EHMT2: variants seen among roughly 807,000 people sequenced by gnomAD.
The protein encoded by EHMT2 is histone-lysine N-methyltransferase EHMT2.
Under a neutral mutation model 143.3 loss-of-function variants are expected in EHMT2, and 59 were observed. The observed-to-expected ratio is 0.41, with a 90% CI of 0.33 to 0.51. The LOEUF (loss-of-function observed/expected upper bound fraction) is 0.51. EHMT2 is among the 20% of genes least tolerant of loss of function. The pLI, the probability that EHMT2 is intolerant of heterozygous loss-of-function variation, is 0.18. For missense variants in EHMT2, 1,174 were observed against 1,645.9 expected, an observed-to-expected ratio of 0.71 and a Z score of 4.96; for synonymous variants, 604 against 651.5, an observed-to-expected ratio of 0.93 and a Z score of 1.11.
intron 1 of EHMT2, 116 bp from the exon 2 acceptor site, chr6:31,897,105 TG>T: frequency 6.9e-7 from 1 of 1,440,198 alleles, no homozygotes; most frequent in Non-Finnish European, 9.1e-7. Context: ...TCTTCCTCTG[TG>T]GGGCCCCCCC....
intron 24 of EHMT2, 54 bp downstream of exon 24, chr6:31,882,840 G>T (rs1764290735): frequency 6.2e-7 from 1 of 1,611,388 alleles, no homozygotes; most frequent in Admixed American, 1.7e-5. Context: ...AGCCCCAGGG[G>T]CAGGGAGGAA....
rs1299544540 is a variant in EHMT2, at chr6:31,888,918, T to G, written c.1216+51A>C. 6.5e-7 allele frequency: 1 copy of G among 1,536,732 alleles called. No homozygotes were observed. The highest frequency in any genetic ancestry group is 1.4e-5 in the African/African-American group (1 of 73,138). The stretch of plus-strand genomic sequence containing the variant: ...GGTTCCCCTCCTTCCCTTTCCCTCC[T>G]GCCCTGAGGTCGCCCCCTAGTGGCT... On this transcript the variant is annotated intron_variant, in intron 10 of 27. Coordinates refer to ENST00000375537, the Ensembl canonical transcript of EHMT2. This position sits in a 1 kb window ranked among gnomAD's most constrained non-coding sequence, Gnocchi z 7.4.
At chr6:31,894,804 G>A (rs553616573) in intron 4 of EHMT2, among the ~76,000 whole-genome samples, 1 of 121,448 alleles carries the variant, frequency 8.2e-6, no homozygotes, top group African/African-American at 3.2e-5. Flanking sequence ...ACCACACCTG[G>A]CTAATTTATT....
chr6:31,892,990 G>T, intron 4 of EHMT2, 80 bp from the exon 5 acceptor site: 1 of 915,334 alleles, frequency 1.1e-6, no homozygotes, highest in Non-Finnish European at 1.6e-6. Context: ...CCCAGGCGGG[G>T]GTGGGGTAGT....
At chr6:31,897,565 T>G in intron 1 of EHMT2, 71 bp downstream of exon 1, 2 of 1,071,888 alleles carry the variant, frequency 1.9e-6, no homozygotes, top group African/African-American at 1.7e-5. Flanking sequence ...CCCCGGAGCA[T>G]TGCACGGGCG....
At position 31,897,230 on chromosome 6, in the gene EHMT2, A is replaced by G. The variant is rs866328596; in HGVS notation, c.43-241T>C. 6 of 1,180,038 alleles carry G rather than the reference A, an allele frequency of 5.1e-6. No homozygotes were observed. In the Admixed American group the frequency reaches 1.3e-4, roughly 26 times the overall value. 73.1% of individuals were successfully genotyped at this position (1,180,038 alleles called of 1,614,324 possible). A position where few individuals can be genotyped will look rare whatever the true frequency, so the allele number is the denominator to read the frequency against. On this transcript the variant is annotated intron_variant, in intron 1 of 27. Coordinates refer to ENST00000375537, the Ensembl canonical transcript of EHMT2. ...CTGGGGCCGAGAGAAGAGGAGGGGG[A>G]GGGGGCGGGGCCTCCGCGCCCCGGC...
intron 15 of EHMT2, 154 bp from the exon 16 acceptor site, chr6:31,887,255 T>G (rs1764991538): frequency 3.0e-6 from 2 of 668,746 alleles, no homozygotes; most frequent in African/African-American, 1.8e-5. Context: ...CCACAGCATT[T>G]ATCAGAATAA....
intron 5 of EHMT2, 22 bp from the exon 6 acceptor site, chr6:31,892,756 T>C (rs1460205031): frequency 1.9e-6 from 3 of 1,612,974 alleles, no homozygotes; most frequent in Admixed American, 1.7e-5. Context: ...GAGAGAATGG[T>C]GTGGGGCCTA....
chr6:31,884,022 AGAGTTGGG>A lies in EHMT2; in HGVS notation c.2772-80_2772-73del. The A allele has an allele frequency of 6.5e-7, 1 of 1,543,080 alleles. No homozygotes were observed. The highest frequency in any genetic ancestry group is 8.8e-7 in the Non-Finnish European group (1 of 1,139,160). On this transcript the variant is annotated intron_variant, in intron 21 of 27. Transcript: ENST00000375537. The surrounding 1 kb of genome is among the most constrained non-coding windows in gnomAD (Gnocchi z 7.3). ...AGGAGCTACTCCAGGTATAAGGAAG[AGAGTTGGG>A]GAGGTTCCTGGGGCTGGGGGCAGGG...
chr6:31,888,530 G>GA lies in EHMT2; in HGVS notation c.1366-25dup, dbSNP rs776293991. 2 of 1,610,750 alleles carry GA rather than the reference G, an allele frequency of 1.2e-6. No individual in the cohort carries two copies. The highest frequency in any genetic ancestry group is 2.7e-5 in the African/African-American group (2 of 74,902). Reference sequence around the variant, plus strand: ...AGCTGTGCGCAGTGAGGATGGGTGAGAAGAGAGCGTGAGGCTGGGGCCGGG... The same window carrying GA: ...AGCTGTGCGCAGTGAGGATGGGTGAGAAAGAGAGCGTGAGGCTGGGGCCGGG... On this transcript the variant is annotated intron_variant, in intron 11 of 27. Coordinates refer to ENST00000375537, the Ensembl canonical transcript of EHMT2. The surrounding 1 kb of genome is among the most constrained non-coding windows in gnomAD (Gnocchi z 7.4).
At chr6:31,895,131 A>G (rs1733965484) in intron 4 of EHMT2, among the ~76,000 whole-genome samples, 1 of 152,244 alleles carries the variant, frequency 6.6e-6, no homozygotes, top group Admixed American at 6.5e-5. Context: ...GAAGCAGGCA[A>G]AATTGATCAG....
Position 31,879,856 on chromosome 6 carries a change from C to T in EHMT2, c.*228G>A, listed in dbSNP as rs868738821. On this transcript the variant is annotated 3_prime_UTR_variant, in exon 28 of 28. Coordinates refer to ENST00000375537, the Ensembl canonical transcript of EHMT2. ...AAACTTCAACTGAGGATGGGGAACA[C>T]GGGGGGTGGCCAGCCCTGAAGTTGC... is the stretch of plus-strand genomic sequence containing the variant. 1.4e-4 allele frequency: 76 copies of T among 554,472 alleles called. 1 individual carries two copies. Among genetic ancestry groups the T allele is most frequent in the Middle Eastern group, 9.4e-4 (2 of 2,132 alleles). 34.3% of individuals were successfully genotyped at this position (554,472 alleles called of 1,614,324 possible).
chr6:31,892,372 G>A (rs1382114564), intron 7 of EHMT2, 35 bp downstream of exon 7: 4 of 1,603,760 alleles, frequency 2.5e-6, no homozygotes, highest in Admixed American at 1.7e-5. Context: ...CCCTGGGGGA[G>A]CACCGGCGGG....
At chr6:31,887,812 A>G in exon 14 of EHMT2, 1 of 1,605,622 alleles carries the variant, frequency 6.2e-7, no homozygotes, top group Non-Finnish European at 8.5e-7. Flanking sequence ...GGCCTTTTCC[A>G]GGGCCTCCCG....
Position 31,883,372 on chromosome 6 carries a change from C to G in EHMT2, c.2984G>C (p.Trp995Ser). ...GCAAGGGGCACGCACCTTGTCATAC[C>G]AGCACCGGATGCTGAGCTGGCCGCA... Residue 995 changes from tryptophan (W) to serine (S), a missense_variant, in exon 23 of 28, where the codon TGG becomes TCG. Coordinates refer to ENST00000375537, the Ensembl canonical transcript of EHMT2. The surrounding 1 kb of genome is among the most constrained non-coding windows in gnomAD (Gnocchi z 5.6). 6.2e-7 allele frequency: 1 copy of G among 1,612,902 alleles called. No individual in the cohort carries two copies. The highest frequency in any genetic ancestry group is 8.5e-7 in the Non-Finnish European group (1 of 1,179,952).
In EHMT2 at chr6:31,884,474, C is replaced by T. The variant is rs143249796; in HGVS notation, c.2689G>A (p.Val897Met). ...CGGTTGAGTTGAAGCGCAAACCACA[C>T]GTCGGAGCGCTCGGGAGTCAGGTCC... Residue 897 changes from valine (V) to methionine (M), a missense_variant, in exon 21 of 28, where the codon GTG (valine) becomes ATG (methionine). By Grantham distance (21) the Val-to-Met change is conservative. This residue lies in a region of EHMT2 where 608 missense variants were observed against 903.7 expected (regional missense o/e 0.67). Coordinates refer to ENST00000375537, the Ensembl canonical transcript of EHMT2. This position sits in a 1 kb window ranked among gnomAD's most constrained non-coding sequence, Gnocchi z 7.3. The T allele has an allele frequency of 2.9e-5, 46 of 1,612,816 alleles. No individual in the cohort carries two copies. In the Admixed American group the frequency reaches 4.5e-4, roughly 16 times the overall value.
chr6:31,892,965 G>T, intron 4 of EHMT2, 55 bp from the exon 5 acceptor site: 1 of 1,288,874 alleles, frequency 7.8e-7, no homozygotes, highest in Non-Finnish European at 1.1e-6. Flanking sequence ...AGTTTTGCCT[G>T]GGTTAGCCTG....
At position 31,883,091 on chromosome 6, in the gene EHMT2, G is replaced by C; in HGVS notation, c.2995-82C>G. On this transcript the variant is annotated intron_variant, in intron 23 of 27. Coordinates refer to ENST00000375537, the Ensembl canonical transcript of EHMT2. The surrounding 1 kb of genome is among the most constrained non-coding windows in gnomAD (Gnocchi z 5.6). ...CCCAGGAACCCCAAGACTCTACAGA[G>C]ACAGGGAAGTTGGGGTTGGGGAGGT... The C allele has an allele frequency of 7.6e-6, 10 of 1,314,884 alleles. No homozygotes were observed. Among genetic ancestry groups the C allele is most frequent in the Non-Finnish European group, 1.1e-5 (10 of 927,140 alleles). The allele number at this position is 1,314,884 out of a possible 1,614,324, so 81.5% of individuals were successfully genotyped here. A position where few individuals can be genotyped will look rare whatever the true frequency, so the allele number is the denominator to read the frequency against.
At position 31,892,742 on chromosome 6, in the gene EHMT2, A is replaced by AAG; in HGVS notation, c.668-10_668-9dup. ...TCCTCCTTTTGGCCAGATCTGGAAG[A>AAG]AGAGAGAGAATGGTGTGGGGCCTAT... On this transcript the variant is annotated splice_polypyrimidine_tract_variant and intron_variant, in intron 5 of 27. Coordinates refer to ENST00000375537, the Ensembl canonical transcript of EHMT2. 6.2e-7 allele frequency: 1 copy of AAG among 1,613,086 alleles called. No homozygotes were observed.
Sources: gnomAD v4.1 joint callset for allele counts (sites outside exome capture counted in the v4.1 genomes callset) on GRCh38, gnomAD v4.1.1 for gene constraint, gnomAD v4.1.1 regional missense constraint, Gnocchi (gnomAD v3.1) non-coding constraint, MANE v1.5 for transcripts, NCBI Gene and HGNC (gene_info 2026-07-23, HGNC 2026-07-21) for gene names.